Variants in ADGRE1 observed in about 807,000 individuals in gnomAD.
ADGRE1 encodes adhesion G protein-coupled receptor E1, also known as EGF-like module receptor 1.
ADGRE1 carries 82 observed loss-of-function variants against 102.7 expected under a neutral mutation model. The observed-to-expected ratio is 0.80, with a 90% CI of 0.67 to 0.96. The LOEUF (loss-of-function observed/expected upper bound fraction) is 0.96, where lower values mean the gene tolerates loss of function less well. Ranked by LOEUF, ADGRE1 falls within the 40% of genes least tolerant of loss-of-function variation. The probability of loss-of-function intolerance (pLI) is 0.00; values close to 1 mark genes in which losing one functional copy is unlikely to be tolerated. For synonymous variants in ADGRE1, 398 were observed against 399.6 expected (o/e 1.00, Z 0.05); for missense variants, 1,032 against 1,085.3 (o/e 0.95, Z 0.69).
intron 17 of ADGRE1, 150 bp downstream of exon 17, chr19:6,928,361 C>G (rs1270810922): frequency 1.3e-6 from 2 of 1,512,940 alleles, no homozygotes; most frequent in Non-Finnish European, 1.8e-6. Context: ...CGTGGTGGCT[C>G]ACGCCTGTAA....
At chr19:6,938,187 A>T (rs1568368413) in intron 20 of ADGRE1, among the ~76,000 whole-genome samples, 2 of 152,146 alleles carry the variant, frequency 1.3e-5, no homozygotes, top group East Asian at 1.9e-4. Flanking sequence ...AAAATACAAA[A>T]TTAGCCGGGC....
intron 17 of ADGRE1, among the ~76,000 whole-genome samples, chr19:6,933,868 C>T (rs565915099): frequency 9.9e-5 from 15 of 152,158 alleles, no homozygotes; most frequent in South Asian, 8.3e-4. Flanking sequence ...ACAGGCCCTG[C>T]GCCAGGTGTA....
At chr19:6,920,652 G>A (rs72986346) in intron 13 of ADGRE1, among the ~76,000 whole-genome samples, 31,431 of 148,446 alleles carry the variant, frequency 0.21, 3,387 homozygotes, top group South Asian at 0.26. Flanking sequence ...CTGGGATTAC[G>A]GGTGCCCACC....
rs551156447 is a variant in ADGRE1, at chr19:6,911,834, AC to A, written c.1123-1818del. ...CACACATACACATACAAATGCATAC[AC>A]ACACACCCCACACACATTTACACAC... is the stretch of plus-strand genomic sequence containing the variant. On this transcript the variant is annotated intron_variant, in intron 10 of 20. Transcript: ENST00000312053. Among the ~76,000 whole-genome samples the A allele has an allele frequency of 5.9e-3, 690 of 117,910 alleles. 21 individuals are homozygous for A. In the East Asian group the frequency reaches 0.21, roughly 36 times the overall value. The allele number at this position is 117,910 out of a possible 152,430, so 77.4% of individuals were successfully genotyped here.
At chr19:6,928,887 C>G (rs927851602) in intron 17 of ADGRE1, among the ~76,000 whole-genome samples, 4 of 150,996 alleles carry the variant, frequency 2.6e-5, no homozygotes, top group Admixed American at 2.0e-4. Context: ...TGCGGTGAGC[C>G]GAGATTGCGC....
In ADGRE1 at chr19:6,906,537, G is replaced by C. The variant is rs906913972; in HGVS notation, c.1038+16G>C. 4.4e-6 allele frequency: 7 copies of C among 1,608,116 alleles called. No individual in the cohort carries two copies. Among genetic ancestry groups the C allele is most frequent in the African/African-American group, 2.7e-5 (2 of 74,690 alleles). The stretch of plus-strand genomic sequence containing the variant: ...ACCTGCATATGCAAGTATTTTTTAA[G>C]GTTCCTAGTTTTTGAGGTTTTCTTA... On this transcript the variant is annotated intron_variant, in intron 9 of 20. Transcript: ENST00000312053.
chr19:6,924,921 C>A, intron 15 of ADGRE1, 49 bp downstream of exon 15: 2 of 1,588,032 alleles, frequency 1.3e-6, no homozygotes, highest in Non-Finnish European at 8.6e-7. Flanking sequence ...CTTCTCCCCA[C>A]CTGCCTCAGC....
At chr19:6,893,954 C>T (rs1015933809) in intron 2 of ADGRE1, among the ~76,000 whole-genome samples, 5 of 152,148 alleles carry the variant, frequency 3.3e-5, no homozygotes, top group African/African-American at 1.2e-4. Context: ...GCTCATGTCC[C>T]CTTCCCCCAA....
chr19:6,919,894 C>A, intron 13 of ADGRE1, 147 bp downstream of exon 13: 1 of 730,194 alleles, frequency 1.4e-6, no homozygotes, highest in Non-Finnish European at 2.2e-6. Context: ...TTAACAGAAG[C>A]TACCGCTAGA....
chr19:6,914,922 A>G (rs460955), intron 11 of ADGRE1, among the ~76,000 whole-genome samples: 109,255 of 151,970 alleles, frequency 0.72, 39,804 homozygotes, highest in East Asian at 0.77. Context: ...AATGAGGTGC[A>G]CAGTGTGGCT....
chr19:6,895,011 G>C (rs1973499891), intron 2 of ADGRE1: 2 of 152,222 alleles, frequency 1.3e-5, no homozygotes, highest in Admixed American at 1.3e-4. Context: ...AAACAATGCA[G>C]ATGTTTATTT....
At chr19:6,924,623 C>A (rs1974807880) in intron 14 of ADGRE1, 55 bp from the exon 15 acceptor site, 2 of 1,540,550 alleles carry the variant, frequency 1.3e-6, no homozygotes, top group South Asian at 1.2e-5. Context: ...CTTCTTCCCG[C>A]CTGGGGGGAT....
At chr19:6,898,759 AGGG>A in intron 5 of ADGRE1, 1 of 588,496 alleles carries the variant, frequency 1.7e-6, no homozygotes, top group Non-Finnish European at 2.9e-6. Flanking sequence ...CATATGAGAA[AGGG>A]ATTTTCTCAT....
Position 6,924,705 on chromosome 19 carries a change from C to G in ADGRE1, c.1819C>G (p.His607Asp). 6.2e-7 allele frequency: 1 copy of G among 1,614,120 alleles called. No homozygotes were observed. The highest frequency in any genetic ancestry group is 8.5e-7 in the Non-Finnish European group (1 of 1,180,004). Residue 607 changes from histidine (H) to aspartate (D), a missense_variant, in exon 15 of 21, where the codon CAT becomes GAT. Physicochemically the swap from His to Asp is moderately conservative, Grantham distance 81. Coordinates refer to ENST00000312053, the MANE Select transcript of ADGRE1 (RefSeq NM_001974.5). ...GGACTTTTCCTTGTACATCATTAGC[C>G]ATGTAGGCATTATCATCTCCTTGGT... ...TMDFSLYIISHVGIIISLVCL... is the reference protein window; with the variant it reads ...TMDFSLYIISDVGIIISLVCL...
chr19:6,938,135 G>A (rs985711714), intron 20 of ADGRE1, among the ~76,000 whole-genome samples: 7 of 151,916 alleles, frequency 4.6e-5, no homozygotes, highest in African/African-American at 1.7e-4. Context: ...CCAGGAGTTC[G>A]AGACCAACCT....
At chr19:6,917,209 C>T (rs1486346051) in intron 12 of ADGRE1, among the ~76,000 whole-genome samples, 2 of 152,150 alleles carry the variant, frequency 1.3e-5, no homozygotes, top group African/African-American at 4.8e-5. Flanking sequence ...TTTTCCAGCC[C>T]CTGATCTGAT....
intron 12 of ADGRE1, among the ~76,000 whole-genome samples, chr19:6,917,673 G>A (rs1476407344): frequency 1.3e-5 from 2 of 150,030 alleles, no homozygotes; most frequent in Admixed American, 6.7e-5. Context: ...CTGGGAGGTG[G>A]AGGCTGCAGT....
At chr19:6,889,791 A>C (rs1232801772) in intron 1 of ADGRE1, among the ~76,000 whole-genome samples, 1 of 151,560 alleles carries the variant, frequency 6.6e-6, no homozygotes, top group African/African-American at 2.4e-5. Flanking sequence ...TGTATTTTCT[A>C]TATATACATA....
chr19:6,934,407 C>A (rs1005880209), intron 17 of ADGRE1, among the ~76,000 whole-genome samples: 8 of 140,474 alleles, frequency 5.7e-5, no homozygotes, highest in Non-Finnish European at 1.2e-4. Flanking sequence ...GGTCAGAATT[C>A]TTCTTCTTCT....
Sources: gnomAD v4.1 joint callset for allele counts (sites outside exome capture counted in the v4.1 genomes callset) on GRCh38, gnomAD v4.1.1 for gene constraint, MANE v1.5 for transcripts, NCBI Gene and HGNC (gene_info 2026-07-23, HGNC 2026-07-21) for gene names.